Variants in NR1D2 observed in about 807,000 individuals in gnomAD.
NR1D2 encodes V-erbA-related protein 1-related.
Under a neutral mutation model 52.2 loss-of-function variants are expected in NR1D2, and 25 were observed. The ratio of observed to expected loss-of-function variants is 0.48; its 90% CI spans 0.35 to 0.67. The LOEUF is 0.67. NR1D2 is among the 30% of genes least tolerant of loss of function. NR1D2 has a pLI of 0.01. For synonymous variants in NR1D2, 259 were observed against 230.1 expected, an observed-to-expected ratio of 1.13 and a Z score of -1.14; for missense variants, 681 against 707.2, an observed-to-expected ratio of 0.96 and a Z score of 0.42.
rs1325055876 is a variant in NR1D2 at position 23,945,308 on chromosome 3, G to C, written c.-271G>C. ...CCCGTCAGCCGCCCTCGCCGCCGCG[G>C]TGCGCTGGCTGCAGGAAGCCGCCGC... On this transcript the variant is annotated 5_prime_UTR_variant, in exon 1 of 8. Transcript: ENST00000312521. 1 of 157,238 alleles carries C rather than the reference G, an allele frequency of 6.4e-6. No homozygotes were observed. The highest frequency in any genetic ancestry group is 2.4e-5 in the African/African-American group (1 of 41,416). The allele number at this position is 157,238 out of a possible 1,614,324, so 9.7% of individuals were successfully genotyped here.
intron 2 of NR1D2, 113 bp from the exon 3 acceptor site, chr3:23,955,924 A>G: frequency 1.5e-6 from 1 of 656,046 alleles, no homozygotes; most frequent in Non-Finnish European, 2.8e-6. Flanking sequence ...ATGAAAGTAG[A>G]TGTGTATCTT....
Position 23,977,969 on chromosome 3 carries a change from A to G in NR1D2, c.*550A>G, listed in dbSNP as rs1464708121. The G allele has an allele frequency of 3.9e-5, 6 of 152,230 alleles. No homozygotes were observed. Among genetic ancestry groups the G allele is most frequent in the African/African-American group, 7.2e-5 (3 of 41,464 alleles). The allele number at this position is 152,230 out of a possible 1,614,324, so 9.4% of individuals were successfully genotyped here. The stretch of plus-strand genomic sequence containing the variant: ...AAAATGAGAATTGATGGTGTCCCCA[A>G]TGCCCCACCTCACAGAGTTACTAAA... On this transcript the variant is annotated 3_prime_UTR_variant, in exon 8 of 8. Transcript: ENST00000312521.
chr3:23,965,805 T>A (rs1028196368), intron 6 of NR1D2, among the ~76,000 whole-genome samples: 1 of 152,208 alleles, frequency 6.6e-6, no homozygotes, highest in Non-Finnish European at 1.5e-5. Flanking sequence ...GTTAGACACC[T>A]CCTGAAAGCC....
At chr3:23,959,641 A>C in intron 3 of NR1D2, 30 bp from the exon 4 acceptor site, 2 of 1,597,944 alleles carry the variant, frequency 1.3e-6, no homozygotes, top group Non-Finnish European at 1.7e-6. Flanking sequence ...GTGTTTTTAA[A>C]TGGGTAAGTA....
In NR1D2 at chr3:23,979,311, T is replaced by G. The variant is rs1422591357; in HGVS notation, c.*1892T>G. ...AGTATAGTTTTTGTGAATCTTTACA[T>G]GATAGCATTATCTTTTTATAATTTT... On this transcript the variant is annotated 3_prime_UTR_variant, in exon 8 of 8. Coordinates refer to ENST00000312521, the MANE Select transcript of NR1D2 (RefSeq NM_005126.5). 1 of 152,130 alleles carries G rather than the reference T, an allele frequency of 6.6e-6. No homozygotes were observed. Among genetic ancestry groups the G allele is most frequent in the Non-Finnish European group, 1.5e-5 (1 of 67,938 alleles). 9.4% of individuals were successfully genotyped at this position (152,130 alleles called of 1,614,324 possible). A position where few individuals can be genotyped will look rare whatever the true frequency, so the allele number is the denominator to read the frequency against.
At chr3:23,961,906 T>C (rs913762724) in intron 4 of NR1D2, 71 bp from the exon 5 acceptor site, 105 of 1,402,500 alleles carry the variant, frequency 7.5e-5, no homozygotes, top group Non-Finnish European at 9.9e-5. Context: ...GTTGGATAAT[T>C]TTGTGTTATT....
chr3:23,963,352 A>G (rs991206596), intron 5 of NR1D2: 17 of 1,321,964 alleles, frequency 1.3e-5, no homozygotes, highest in Non-Finnish European at 1.7e-5. Flanking sequence ...CGTCTTTTTC[A>G]TTTTCAAAAT....
chr3:23,977,358 A>G lies in NR1D2; in HGVS notation c.1679A>G (p.Asp560Gly). Residue 560 changes from aspartate (D) to glycine (G), a missense_variant, in exon 8 of 8, where the codon GAT (aspartate) becomes GGT (glycine). Physicochemically the swap from Asp to Gly is moderately conservative, Grantham distance 94. Coordinates refer to ENST00000312521, the MANE Select transcript of NR1D2 (RefSeq NM_005126.5). ...ACAAAACTGCTTCTAAAGTTGCCAG[A>G]TCTTCGATCTTTAAACAACATGCAC... The part of the protein sequence containing the change: ...IFTKLLLKLP[D>G]LRSLNNMHSE... 1 of 1,613,474 alleles carries G rather than the reference A, an allele frequency of 6.2e-7. No homozygotes were observed. The highest frequency in any genetic ancestry group is 8.5e-7 in the Non-Finnish European group (1 of 1,179,698).
intron 7 of NR1D2, 72 bp downstream of exon 7, chr3:23,968,095 C>A: frequency 8.4e-7 from 1 of 1,190,124 alleles, no homozygotes; most frequent in Non-Finnish European, 1.3e-6. Flanking sequence ...TGGCAGTTAA[C>A]AGGGTTCCAG....
intron 5 of NR1D2, 128 bp downstream of exon 5, chr3:23,962,733 T>C: frequency 2.3e-6 from 2 of 853,946 alleles, no homozygotes; most frequent in South Asian, 3.7e-5. Context: ...GACTTAATTT[T>C]GTACAGTATT....
chr3:23,974,685 A>G (rs1706678651), intron 7 of NR1D2, among the ~76,000 whole-genome samples: 1 of 152,178 alleles, frequency 6.6e-6, no homozygotes, highest in Non-Finnish European at 1.5e-5. Context: ...TCTTCAAATC[A>G]TTACTGAAGG....
At chr3:23,954,831 G>T in intron 2 of NR1D2, 28 bp downstream of exon 2, 1 of 1,603,978 alleles carries the variant, frequency 6.2e-7, no homozygotes, top group Non-Finnish European at 8.5e-7. Context: ...TCTAAAGATT[G>T]CTGCCATTAA....
chr3:23,957,493 G>C (rs1706115585), intron 3 of NR1D2, among the ~76,000 whole-genome samples: 1 of 146,564 alleles, frequency 6.8e-6, no homozygotes, highest in Admixed American at 6.8e-5. Flanking sequence ...GAGGCGGGCG[G>C]ATCACGAGGT....
chr3:23,974,581 A>G (rs539668193), intron 7 of NR1D2, among the ~76,000 whole-genome samples: 3 of 152,280 alleles, frequency 2.0e-5, no homozygotes, highest in South Asian at 4.1e-4. Flanking sequence ...TAACCAGTAC[A>G]TATGTTTAAT....
At chr3:23,957,075 T>G (rs1706097892) in intron 3 of NR1D2, among the ~76,000 whole-genome samples, 1 of 151,950 alleles carries the variant, frequency 6.6e-6, no homozygotes, top group Non-Finnish European at 1.5e-5. Flanking sequence ...CTCTGCCTCC[T>G]GGGTTCAAGT....
At chr3:23,963,457 T>A in intron 5 of NR1D2, 1 of 1,136,542 alleles carries the variant, frequency 8.8e-7, no homozygotes, top group Non-Finnish European at 1.1e-6. Context: ...GTTGCTTTTT[T>A]GTTTTTTTTT....
chr3:23,947,111 A>AT (rs2125278851), intron 1 of NR1D2, among the ~76,000 whole-genome samples: 1 of 152,264 alleles, frequency 6.6e-6, no homozygotes, highest in East Asian at 1.9e-4. Flanking sequence ...CTTTGAGGGT[A>AT]TTTTTAAAAT....
Position 23,971,975 on chromosome 3 carries a change from C to T in NR1D2, c.1543+3952C>T, listed in dbSNP as rs554992894. ...TGAAATGGTAAAGAATAATGGAAAC[C>T]TCTTCTCCAAACCTCTGCACCTTGA... On this transcript the variant is annotated intron_variant, in intron 7 of 7. Transcript: ENST00000312521. Among the ~76,000 whole-genome samples the T allele has an allele frequency of 1.8e-4, 28 of 152,256 alleles. No homozygotes were observed. The South Asian group carries it at 2.9e-3, about 16-fold the overall frequency.
chr3:23,970,649 A>G (rs1575159049), intron 7 of NR1D2, among the ~76,000 whole-genome samples: 2 of 152,250 alleles, frequency 1.3e-5, no homozygotes, highest in Admixed American at 6.5e-5. Flanking sequence ...GTAAAAGAAT[A>G]CAGTGCATTC....
Sources: gnomAD v4.1 joint callset for allele counts (sites outside exome capture counted in the v4.1 genomes callset) on GRCh38, gnomAD v4.1.1 for gene constraint, MANE v1.5 for transcripts, NCBI Gene and HGNC (gene_info 2026-07-23, HGNC 2026-07-21) for gene names.